The following HDAC4 variants were observed in gnomAD, a reference collection of about 807,000 sequenced individuals.
The protein encoded by HDAC4 is histone deacetylase 4.
Under a neutral mutation model 135.1 loss-of-function variants are expected in HDAC4, and 16 were observed. The observed-to-expected ratio is 0.12, with a 90% CI of 0.08 to 0.18. The LOEUF (loss-of-function observed/expected upper bound fraction) is 0.18, where lower values mean the gene tolerates loss of function less well. Among genes scored for constraint, HDAC4 ranks in the 10% least tolerant of loss-of-function variants. HDAC4 has a pLI of 1.00. For missense variants in HDAC4, 1,143 were observed against 1,511.8 expected (o/e 0.76, Z 4.05); for synonymous variants, 685 against 653.4 (o/e 1.05, Z -0.74).
At chr2:239,294,623 A>G (rs1218371946) in intron 2 of HDAC4, among the ~76,000 whole-genome samples, 1 of 151,976 alleles carries the variant, frequency 6.6e-6, no homozygotes, top group Non-Finnish European at 1.5e-5. Flanking sequence ...ATTTGTGGGC[A>G]CCCCAGAATT....
At chr2:239,378,512 G>C (rs1695184632) in intron 1 of HDAC4, among the ~76,000 whole-genome samples, 1 of 152,206 alleles carries the variant, frequency 6.6e-6, no homozygotes, top group Non-Finnish European at 1.5e-5. Context: ...GTACTGTTGA[G>C]GGCCATATCC....
intron 22 of HDAC4, among the ~76,000 whole-genome samples, chr2:239,070,625 G>A (rs531845084): frequency 2.0e-5 from 3 of 152,282 alleles, no homozygotes; most frequent in Admixed American, 6.5e-5. Context: ...GCAGAATCAG[G>A]GCCTCCCTTT....
At position 239,152,276 on chromosome 2, in the gene HDAC4, C is replaced by T. The variant is rs182462453; in HGVS notation, c.733+4376G>A. On this transcript the variant is annotated intron_variant, in intron 7 of 26. Coordinates refer to ENST00000543185, the MANE Select transcript of HDAC4 (RefSeq NM_001378414.1). ...CCCACACAGTGCAGGAAAGATCCAG[C>T]GTCCTATGTCCATGACAGTGATCCA... Among the ~76,000 whole-genome samples, 24 of 152,232 alleles carry T rather than the reference C, an allele frequency of 1.6e-4. 1 individual carries two copies. Among genetic ancestry groups the T allele is most frequent in the Non-Finnish European group, 3.2e-4 (22 of 68,020 alleles).
Position 239,082,237 on chromosome 2 carries a change from C to CTAGTTT in HDAC4, c.2533-17_2533-16insAAACTA, listed in dbSNP as rs769333488. 1.2e-6 allele frequency: 2 copies of CTAGTTT among 1,614,188 alleles called. No homozygotes were observed. Among genetic ancestry groups the CTAGTTT allele is most frequent in the East Asian group, 4.5e-5 (2 of 44,884 alleles). ...GGTGCACGTCCTTAAAGAGCAGGGACAACTACTTCAGGGCTGAGGCAGGTA... is the reference window on the plus strand; with the variant it reads ...GGTGCACGTCCTTAAAGAGCAGGGACTAGTTTAACTACTTCAGGGCTGAGGCAGGTA... On this transcript the variant is annotated splice_polypyrimidine_tract_variant and intron_variant, in intron 20 of 26. Coordinates refer to ENST00000543185, the MANE Select transcript of HDAC4 (RefSeq NM_001378414.1).
intron 22 of HDAC4, among the ~76,000 whole-genome samples, chr2:239,074,063 GCAGGACTGAGGGGGCCA>G (rs1203957199): frequency 6.6e-6 from 1 of 150,784 alleles, no homozygotes; most frequent in Non-Finnish European, 1.5e-5. Flanking sequence ...GAGTGGGGAA[GCAGGACTGAGGGGGCCA>G]CAGGACTGAG....
chr2:239,104,982 C>G (rs1452611138), intron 15 of HDAC4, among the ~76,000 whole-genome samples: 2 of 152,240 alleles, frequency 1.3e-5, no homozygotes, highest in African/African-American at 4.8e-5. Flanking sequence ...CGCGACACCG[C>G]AAGGGCTCGG....
intron 24 of HDAC4, among the ~76,000 whole-genome samples, chr2:239,061,825 A>T (rs1330652939): frequency 6.6e-6 from 1 of 152,232 alleles, no homozygotes; most frequent in Non-Finnish European, 1.5e-5. Context: ...TGCTCCACGA[A>T]TGTCTTCCAC....
chr2:239,165,264 C>T (rs1009205167), intron 5 of HDAC4, among the ~76,000 whole-genome samples: 5 of 152,102 alleles, frequency 3.3e-5, no homozygotes, highest in African/African-American at 4.8e-5. Flanking sequence ...TACACGCTGA[C>T]CCCCTGAACC....
intron 2 of HDAC4, chr2:239,298,262 G>C (rs1050071346): frequency 2.3e-6 from 3 of 1,284,520 alleles, no homozygotes; most frequent in Non-Finnish European, 2.0e-6. Flanking sequence ...CTTGACGACA[G>C]ACTGGGCTGG....
At position 239,167,922 on chromosome 2, in the gene HDAC4, C is replaced by T. The variant is rs112347807; in HGVS notation, c.491-3999G>A. Among the ~76,000 whole-genome samples the T allele has an allele frequency of 4.3e-3, 452 of 105,048 alleles. 3 individuals are homozygous for T. Among genetic ancestry groups the T allele is most frequent in the African/African-American group, 0.015 (413 of 26,930 alleles). 68.9% of individuals were successfully genotyped at this position (105,048 alleles called of 152,430 possible). On this transcript the variant is annotated intron_variant, in intron 5 of 26. Coordinates refer to ENST00000543185, the MANE Select transcript of HDAC4 (RefSeq NM_001378414.1). The surrounding 1 kb of genome is among the most constrained non-coding windows in gnomAD (Gnocchi z 4.1). ...AAGGAATGAGCGAGCAACAGCTGAG[C>T]GGGGCAGAGAGAGGAGGACAGCAGC...
Position 239,131,132 on chromosome 2 carries a change from G to A in HDAC4, c.1294+3113C>T, listed in dbSNP as rs958015276. The stretch of plus-strand genomic sequence containing the variant: ...ATGAACAGGGACATAGAAGAGGCAC[G>A]CCCAGCCTGTGACTGGCGAGGAACT... On this transcript the variant is annotated intron_variant, in intron 11 of 26. Transcript: ENST00000543185. Among the ~76,000 whole-genome samples, 8 of 152,334 alleles carry A rather than the reference G, an allele frequency of 5.3e-5. No individual in the cohort carries two copies. The East Asian group carries it at 7.7e-4, about 15-fold the overall frequency.
At chr2:239,208,149 C>T (rs951767580) in intron 3 of HDAC4, among the ~76,000 whole-genome samples, 3 of 150,268 alleles carry the variant, frequency 2.0e-5, no homozygotes, top group Non-Finnish European at 3.0e-5. Flanking sequence ...GGTGAAACCC[C>T]GTCCCTACTA....
chr2:239,261,656 G>T (rs1172300255), intron 2 of HDAC4, among the ~76,000 whole-genome samples: 2 of 152,220 alleles, frequency 1.3e-5, no homozygotes, highest in Non-Finnish European at 2.9e-5. Context: ...GACAAGGCTG[G>T]ACAAGGGGTC....
At chr2:239,110,830 T>C (rs145009037) in intron 14 of HDAC4, among the ~76,000 whole-genome samples, 5 of 152,216 alleles carry the variant, frequency 3.3e-5, no homozygotes, top group Admixed American at 3.3e-4. Flanking sequence ...CAGGGGTGGC[T>C]GGGTGGCGGG....
chr2:239,301,606 G>C (rs1470722768), intron 2 of HDAC4, among the ~76,000 whole-genome samples: 1 of 151,734 alleles, frequency 6.6e-6, no homozygotes, highest in Non-Finnish European at 1.5e-5. Flanking sequence ...TCAGCTTCCT[G>C]AACAGCTGGG....
intron 2 of HDAC4, among the ~76,000 whole-genome samples, chr2:239,346,213 C>T (rs751587004): frequency 1.3e-5 from 2 of 151,296 alleles, no homozygotes; most frequent in Non-Finnish European, 2.9e-5. Flanking sequence ...CATACCTTAA[C>T]ACACACATAT....
At chr2:239,269,568 T>G (rs1369708035) in intron 2 of HDAC4, among the ~76,000 whole-genome samples, 11 of 152,214 alleles carry the variant, frequency 7.2e-5, no homozygotes, top group Admixed American at 7.2e-4. Flanking sequence ...ATGAGAAGCA[T>G]GAGGCCCTGC....
At chr2:239,122,693 C>T (rs1018062205) in intron 12 of HDAC4, among the ~76,000 whole-genome samples, 10 of 152,222 alleles carry the variant, frequency 6.6e-5, no homozygotes, top group Non-Finnish European at 1.2e-4. Context: ...CTGCAGGCCT[C>T]GGGAAAACTA....
chr2:239,227,765 C>T (rs1479118002), intron 3 of HDAC4, among the ~76,000 whole-genome samples: 1 of 152,176 alleles, frequency 6.6e-6, no homozygotes, highest in African/African-American at 2.4e-5. Context: ...CATTAAAAGC[C>T]AGAAGGGCCC....
Sources: gnomAD v4.1 joint callset for allele counts (sites outside exome capture counted in the v4.1 genomes callset) on GRCh38, gnomAD v4.1.1 for gene constraint, Gnocchi (gnomAD v3.1) non-coding constraint, MANE v1.5 for transcripts, NCBI Gene and HGNC (gene_info 2026-07-23, HGNC 2026-07-21) for gene names.